LLGL2: variants seen among roughly 807,000 people sequenced by gnomAD.
The protein encoded by LLGL2 is LLGL scribble cell polarity complex component 2.
Under a neutral mutation model 123.2 loss-of-function variants are expected in LLGL2, and 81 were observed. That is an observed-to-expected ratio of 0.66 (90% CI 0.55 to 0.79). LLGL2 has a LOEUF of 0.79. Ranked by LOEUF, LLGL2 falls within the 30% of genes least tolerant of loss-of-function variation. The pLI is 0.00. For missense variants in LLGL2, 1,273 were observed against 1,414.6 expected, an observed-to-expected ratio of 0.90 and a Z score of 1.61; for synonymous variants, 577 against 594.1, an observed-to-expected ratio of 0.97 and a Z score of 0.42.
At chr17:75,540,714 C>A (rs2054174575) in intron 1 of LLGL2, among the ~76,000 whole-genome samples, 2 of 152,230 alleles carry the variant, frequency 1.3e-5, no homozygotes, top group Non-Finnish European at 2.9e-5. Flanking sequence ...CCGAGTTCTG[C>A]CGCTTCCTAC....
chr17:75,554,302 C>CAAAAAAA (rs72439797), intron 2 of LLGL2, among the ~76,000 whole-genome samples: 3 of 133,962 alleles, frequency 2.2e-5, no homozygotes, highest in Non-Finnish European at 3.1e-5. Flanking sequence ...AACTCCGTCT[C>CAAAAAAA]AAAAAAAAAA....
At chr17:75,526,513 T>C (rs1258030775) in intron 1 of LLGL2, among the ~76,000 whole-genome samples, 1 of 152,210 alleles carries the variant, frequency 6.6e-6, no homozygotes, top group East Asian at 1.9e-4. Context: ...TTGTTCCGGC[T>C]GGACGATTGG....
chr17:75,574,624 G>A lies in LLGL2; in HGVS notation c.3011G>A (p.Arg1004His), dbSNP rs567381074. ...LEGDRGSGNW[R>H]SHRAAVGCSL... is the part of the protein sequence containing the mutation. ...TGCCTGTGCAGGAGCGGCAACTGGC[G>A]TTCACATCGAGCCGCCGTGGGGTGC... The change falls in exon 25 of 26, where the codon CGT (arginine) becomes CAT (histidine). Residue 1004 changes from arginine (R) to histidine (H), a missense_variant. Physicochemically the swap from Arg to His is conservative, Grantham distance 29 (BLOSUM62 0). Transcript: ENST00000392550. 3.0e-5 allele frequency: 49 copies of A among 1,612,362 alleles called. No individual in the cohort carries two copies. Among genetic ancestry groups the A allele is most frequent in the African/African-American group, 4.0e-5 (3 of 75,026 alleles).
chr17:75,558,045 C>A lies in LLGL2; in HGVS notation c.174-110C>A. On this transcript the variant is annotated intron_variant, in intron 3 of 25. Transcript: ENST00000392550. This position sits in a 1 kb window ranked among gnomAD's most constrained non-coding sequence, Gnocchi z 4.0. ...TGGGTCCTGCTGCCTCGGGGGAGGG[C>A]AGCCCCTCTCTGTGTTTGCATCATT... is the stretch of plus-strand genomic sequence containing the variant. The A allele has an allele frequency of 1.9e-6, 2 of 1,044,990 alleles. No homozygotes were observed. The highest frequency in any genetic ancestry group is 3.0e-6 in the Non-Finnish European group (2 of 667,770). The allele number at this position is 1,044,990 out of a possible 1,614,324, so 64.7% of individuals were successfully genotyped here. A position where few individuals can be genotyped will look rare whatever the true frequency, so the allele number is the denominator to read the frequency against.
At chr17:75,542,062 A>G (rs59541498) in intron 1 of LLGL2, among the ~76,000 whole-genome samples, 47,061 of 151,534 alleles carry the variant, frequency 0.31, 8,480 homozygotes, top group African/African-American at 0.5. Flanking sequence ...CTCCCAGCAC[A>G]GCAAGCCCTC....
At chr17:75,569,767 C>T (rs916818501) in intron 14 of LLGL2, among the ~76,000 whole-genome samples, 196 bp from the exon 15 acceptor site, 7 of 150,596 alleles carry the variant, frequency 4.6e-5, no homozygotes, top group East Asian at 3.9e-4. Flanking sequence ...TGTGCCACTG[C>T]GCTCCAGCCT....
At chr17:75,545,210 C>T (rs1453891775) in intron 2 of LLGL2, among the ~76,000 whole-genome samples, 6 of 152,246 alleles carry the variant, frequency 3.9e-5, no homozygotes, top group African/African-American at 1.2e-4. Context: ...TCCCCTATCC[C>T]CCAGGGGTGA....
Position 75,559,231 on chromosome 17 carries a change from G to C in LLGL2, c.372-21G>C, listed in dbSNP as rs368393996. The C allele has an allele frequency of 1.7e-5, 27 of 1,572,828 alleles. No homozygotes were observed. The highest frequency in any genetic ancestry group is 2.3e-5 in the Non-Finnish European group (27 of 1,160,116). The stretch of plus-strand genomic sequence containing the variant: ...CCCTGCTGGGCAGTGGTCGGCTCAC[G>C]GGCAGCTGTTCTTGTCACAGGGCTG... On this transcript the variant is annotated intron_variant, in intron 5 of 25. Coordinates refer to ENST00000392550, the MANE Select transcript of LLGL2 (RefSeq NM_001031803.2). This position sits in a 1 kb window ranked among gnomAD's most constrained non-coding sequence, Gnocchi z 4.6.
intron 2 of LLGL2, among the ~76,000 whole-genome samples, chr17:75,555,813 C>T (rs913384490): frequency 6.6e-6 from 1 of 152,098 alleles, no homozygotes; most frequent in Admixed American, 6.5e-5. Flanking sequence ...GGTATGGTGT[C>T]GGGGAAGATC....
intron 3 of LLGL2, among the ~76,000 whole-genome samples, chr17:75,556,716 G>A (rs1209382066): frequency 6.6e-6 from 1 of 152,146 alleles, no homozygotes; most frequent in Non-Finnish European, 1.5e-5. Flanking sequence ...CACCAGAAAA[G>A]CAAGTTACAG....
intron 2 of LLGL2, among the ~76,000 whole-genome samples, chr17:75,550,497 G>A (rs919292772): frequency 5.3e-5 from 8 of 151,972 alleles, no homozygotes; most frequent in African/African-American, 1.5e-4. Flanking sequence ...AGTAAGGGGC[G>A]GGGCAGGCCG....
chr17:75,571,136 A>AGGTT, intron 17 of LLGL2, 36 bp downstream of exon 17: 1 of 729,734 alleles, frequency 1.4e-6, no homozygotes, highest in Non-Finnish European at 2.3e-6. Context: ...GGCAGGGGGT[A>AGGTT]GTGGGCAGCA....
intron 10 of LLGL2, among the ~76,000 whole-genome samples, chr17:75,567,459 CG>C (rs1568066610): frequency 6.8e-6 from 1 of 147,566 alleles, no homozygotes; most frequent in East Asian, 2.0e-4. Context: ...AGCGAAACTC[CG>C]TCTCAAAAAA....
Position 75,558,098 on chromosome 17 carries a change from C to G in LLGL2, c.174-57C>G. The G allele has an allele frequency of 6.5e-7, 1 of 1,539,046 alleles. No homozygotes were observed. Among genetic ancestry groups the G allele is most frequent in the East Asian group, 2.2e-5 (1 of 44,516 alleles). ...ACATGGGCCCCGAGGGCCTGGCACT[C>G]AAGGCAGGCAGGGGATGGTGTCCGA... is the stretch of plus-strand genomic sequence containing the variant. On this transcript the variant is annotated intron_variant, in intron 3 of 25. Transcript: ENST00000392550. The surrounding 1 kb of genome is among the most constrained non-coding windows in gnomAD (Gnocchi z 4.0).
chr17:75,546,917 T>C (rs72859224), intron 2 of LLGL2, among the ~76,000 whole-genome samples: 71,429 of 149,244 alleles, frequency 0.48, 18,300 homozygotes, highest in African/African-American at 0.59. Context: ...GCACGTGGGC[T>C]GTTGGTGTAG....
chr17:75,565,283 C>A (rs750895267), intron 10 of LLGL2, among the ~76,000 whole-genome samples: 2 of 152,212 alleles, frequency 1.3e-5, no homozygotes, highest in African/African-American at 4.8e-5. Context: ...GATGTTGAAA[C>A]CTGGAGAGGA....
chr17:75,574,732 C>G, intron 25 of LLGL2, 64 bp downstream of exon 25: 1 of 1,595,378 alleles, frequency 6.3e-7, no homozygotes, highest in Non-Finnish European at 8.6e-7. Context: ...GGAAGAGCCC[C>G]GGCCCCACTC....
chr17:75,567,529 C>G (rs868151585), intron 10 of LLGL2, among the ~76,000 whole-genome samples: 1 of 152,132 alleles, frequency 6.6e-6, no homozygotes, highest in African/African-American at 2.4e-5. Flanking sequence ...ATCCCAGCTA[C>G]TTGGGAAGCT....
chr17:75,574,374 C>A (rs2055877243), intron 23 of LLGL2, 79 bp from the exon 24 acceptor site: 1 of 1,538,224 alleles, frequency 6.5e-7, no homozygotes, highest in Non-Finnish European at 8.8e-7. Context: ...CATGGGCACC[C>A]ACGGAGAAAG....
Sources: allele counts gnomAD v4.1 joint callset (sites outside exome capture counted in the v4.1 genomes callset), GRCh38; gene constraint gnomAD v4.1.1; non-coding constraint Gnocchi (gnomAD v3.1); transcripts MANE v1.5; gene names NCBI Gene and HGNC (gene_info 2026-07-23, HGNC 2026-07-21).